ADA: variants seen among roughly 807,000 people sequenced by gnomAD.
The protein encoded by ADA is adenosine deaminase, also known as adenosine aminohydrolase.
ADA carries 45 observed loss-of-function variants against 49.0 expected under a neutral mutation model. The ratio of observed to expected loss-of-function variants is 0.92; its 90% CI spans 0.72 to 1.18. The LOEUF (loss-of-function observed/expected upper bound fraction) is 1.18, where lower values mean the gene tolerates loss of function less well. Among genes scored for constraint, ADA ranks in the 50% most tolerant of loss-of-function variants. ADA has a pLI of 0.00. For missense variants in ADA, 445 were observed against 472.5 expected (o/e 0.94, Z 0.54); for synonymous variants, 173 against 184.2 (o/e 0.94, Z 0.49).
chr20:44,620,923 C>T (rs1240018006), intron 10 of ADA, 95 bp downstream of exon 10: 1 of 1,557,904 alleles, frequency 6.4e-7, no homozygotes, highest in South Asian at 1.1e-5. Flanking sequence ...GGCAGACTCA[C>T]TCCCTCTCTC....
chr20:44,626,649 G>A (rs753756675), intron 3 of ADA, 50 bp from the exon 4 acceptor site: 1 of 1,609,362 alleles, frequency 6.2e-7, no homozygotes, highest in South Asian at 1.1e-5. Flanking sequence ...AGTCCCTTGG[G>A]AGCTCCAGGA....
chr20:44,622,541 G>A, intron 9 of ADA, 47 bp downstream of exon 9: 1 of 1,608,486 alleles, frequency 6.2e-7, no homozygotes, highest in Non-Finnish European at 8.5e-7. Context: ...TTCCCTCTTT[G>A]GCCTTCCTGG....
chr20:44,619,729 C>G lies in ADA; in HGVS notation c.*105G>C. 2 of 1,455,864 alleles carry G rather than the reference C, an allele frequency of 1.4e-6. No individual in the cohort carries two copies. The highest frequency in any genetic ancestry group is 1.9e-6 in the Non-Finnish European group (2 of 1,037,248). 90.2% of individuals were successfully genotyped at this position (1,455,864 alleles called of 1,614,324 possible). A position where few individuals can be genotyped will look rare whatever the true frequency, so the allele number is the denominator to read the frequency against. Reference sequence around the variant, plus strand: ...AGGGTTCAGGAGCATCAGTAACTGACTATTGAGATCATGGTCTTCTTGGAA... The same window carrying G: ...AGGGTTCAGGAGCATCAGTAACTGAGTATTGAGATCATGGTCTTCTTGGAA... On this transcript the variant is annotated 3_prime_UTR_variant, in exon 12 of 12. Transcript: ENST00000372874.
chr20:44,642,429 T>G (rs1053486452), intron 1 of ADA, among the ~76,000 whole-genome samples: 3 of 152,044 alleles, frequency 2.0e-5, no homozygotes, highest in African/African-American at 7.2e-5. Context: ...TTAGAAAGTG[T>G]GTTGGGAAAA....
chr20:44,631,298 T>C (rs1002720310), intron 2 of ADA, among the ~76,000 whole-genome samples: 14 of 152,052 alleles, frequency 9.2e-5, no homozygotes, highest in African/African-American at 3.4e-4. Flanking sequence ...TACCAGCCCC[T>C]AATCCCTGTA....
At chr20:44,631,058 A>C (rs2065428814) in intron 2 of ADA, among the ~76,000 whole-genome samples, 1 of 152,216 alleles carries the variant, frequency 6.6e-6, no homozygotes, top group South Asian at 2.1e-4. Flanking sequence ...AAGAAACAGA[A>C]GTTTGACCAA....
At chr20:44,627,529 C>T (rs2065394405) in intron 3 of ADA, among the ~76,000 whole-genome samples, 1 of 152,094 alleles carries the variant, frequency 6.6e-6, no homozygotes, top group Non-Finnish European at 1.5e-5. Flanking sequence ...CCTGGGCTTT[C>T]TTTTTCTCCC....
At chr20:44,645,547 G>A (rs947083444) in intron 1 of ADA, among the ~76,000 whole-genome samples, 1 of 151,692 alleles carries the variant, frequency 6.6e-6, no homozygotes, top group Non-Finnish European at 1.5e-5. Flanking sequence ...ACTTGAACCC[G>A]GGAGGCAGAG....
chr20:44,626,424 T>G (rs2065382375), intron 4 of ADA, 32 bp downstream of exon 4: 1 of 1,612,816 alleles, frequency 6.2e-7, no homozygotes, highest in Admixed American at 1.7e-5. Flanking sequence ...AGCCACACCC[T>G]CAGCATGGCC....
Position 44,626,537 on chromosome 20 carries a change from C to A in ADA, c.281G>T (p.Gly94Val). ...YEFVEMKAKE[G>V]VVYVEVRYSP... The stretch of plus-strand genomic sequence containing the variant: ...GTACCGCACCTCCACATACACCACG[C>A]CCTCTTTGGCCTTCATCTCTACAAA... Residue 94 changes from glycine to valine, a missense_variant, in exon 4 of 12, where the codon GGC (glycine) becomes GTC (valine). Coordinates refer to ENST00000372874, the MANE Select transcript of ADA (RefSeq NM_000022.4). 1 of 1,614,184 alleles carries A rather than the reference C, an allele frequency of 6.2e-7. No homozygotes were observed. Among genetic ancestry groups the A allele is most frequent in the Non-Finnish European group, 8.5e-7 (1 of 1,180,036 alleles).
chr20:44,634,784 G>A (rs948535030), intron 2 of ADA, among the ~76,000 whole-genome samples: 2 of 152,256 alleles, frequency 1.3e-5, no homozygotes, highest in Non-Finnish European at 2.9e-5. Flanking sequence ...CCCGAGAGTT[G>A]GGGGCAACCC....
chr20:44,640,033 C>T (rs982831365), intron 1 of ADA, among the ~76,000 whole-genome samples: 9 of 151,962 alleles, frequency 5.9e-5, no homozygotes, highest in Non-Finnish European at 1.3e-4. Context: ...AAGCGAGCAA[C>T]GGTTCACAGG....
chr20:44,630,750 C>G (rs2065426406), intron 2 of ADA, among the ~76,000 whole-genome samples: 1 of 152,222 alleles, frequency 6.6e-6, no homozygotes, highest in Non-Finnish European at 1.5e-5. Flanking sequence ...AGGCCGGGTG[C>G]AGTGGCTCAT....
At chr20:44,649,512 T>C (rs1199226739) in intron 1 of ADA, among the ~76,000 whole-genome samples, 2 of 151,992 alleles carry the variant, frequency 1.3e-5, no homozygotes, top group Non-Finnish European at 1.5e-5. Flanking sequence ...ATCCTCCAGG[T>C]GTGGACACTG....
At chr20:44,633,168 T>G (rs1421236467) in intron 2 of ADA, among the ~76,000 whole-genome samples, 1 of 152,114 alleles carries the variant, frequency 6.6e-6, no homozygotes, top group Non-Finnish European at 1.5e-5. Context: ...CCCACCCCTA[T>G]TTACCACATC....
chr20:44,620,564 C>A, intron 10 of ADA, 163 bp from the exon 11 acceptor site: 2 of 700,148 alleles, frequency 2.9e-6, no homozygotes, highest in Non-Finnish European at 5.1e-6. Context: ...GAGTAGAGAC[C>A]ATGAGGTCGT....
chr20:44,650,849 C>T (rs2065638108), intron 1 of ADA, among the ~76,000 whole-genome samples: 1 of 152,168 alleles, frequency 6.6e-6, no homozygotes, highest in Non-Finnish European at 1.5e-5. Context: ...CTGGGCCCCT[C>T]CTCTCGGACT....
At chr20:44,630,743 C>T (rs1332809622) in intron 2 of ADA, among the ~76,000 whole-genome samples, 2 of 152,166 alleles carry the variant, frequency 1.3e-5, no homozygotes, top group African/African-American at 4.8e-5. Flanking sequence ...AAATAGGAGG[C>T]CGGGTGCAGT....
intron 5 of ADA, 114 bp downstream of exon 5, chr20:44,625,455 G>T (rs1600923115): frequency 1.0e-6 from 1 of 958,930 alleles, no homozygotes. Flanking sequence ...GGCTCAAGGG[G>T]ACACCATGGG....
Sources: allele counts gnomAD v4.1 joint callset (sites outside exome capture counted in the v4.1 genomes callset), GRCh38; gene constraint gnomAD v4.1.1; transcripts MANE v1.5; gene names NCBI Gene and HGNC (gene_info 2026-07-23, HGNC 2026-07-21).